Variants in VAV1 observed in about 807,000 individuals in gnomAD.
VAV1 encodes the protein proto-oncogene vav.
In VAV1, 33 loss-of-function variants were observed where a neutral mutation model predicts 128.1. The observed-to-expected ratio is 0.26, with a 90% CI of 0.20 to 0.34. VAV1 has a LOEUF of 0.34. Among genes scored for constraint, VAV1 ranks in the 10% least tolerant of loss-of-function variants. VAV1 has a pLI of 1.00. For synonymous variants in VAV1, 394 were observed against 409.8 expected, an observed-to-expected ratio of 0.96 and a Z score of 0.47; for missense variants, 715 against 1,093.7, an observed-to-expected ratio of 0.65 and a Z score of 4.88.
In VAV1 at chr19:6,804,269, G is replaced by C. The variant is rs188026677; in HGVS notation, c.205-16433G>C. Among the ~76,000 whole-genome samples the C allele has an allele frequency of 2.0e-5, 3 of 151,640 alleles. No individual in the cohort carries two copies. The East Asian group carries it at 5.9e-4, about 30-fold the overall frequency. ...CACCCAAGAAGCCTCACAGGCTAAG[G>C]AAAGAATTCAAGGGTGATTCCAGTG... On this transcript the variant is annotated intron_variant, in intron 1 of 26. Coordinates refer to ENST00000602142, the MANE Select transcript of VAV1 (RefSeq NM_005428.4).
At chr19:6,808,764 A>C (rs530676223) in intron 1 of VAV1, among the ~76,000 whole-genome samples, 1 of 152,306 alleles carries the variant, frequency 6.6e-6, no homozygotes, top group South Asian at 2.1e-4. Context: ...TTGTTATTCC[A>C]ATTAATTTAG....
chr19:6,808,243 C>T (rs551524169), intron 1 of VAV1, among the ~76,000 whole-genome samples: 17 of 151,794 alleles, frequency 1.1e-4, no homozygotes, highest in South Asian at 4.2e-4. Flanking sequence ...ACCCAGGAGG[C>T]GGAGTTTGCA....
At chr19:6,845,152 G>A (rs138722966) in intron 22 of VAV1, among the ~76,000 whole-genome samples, 112 of 152,216 alleles carry the variant, frequency 7.4e-4, no homozygotes, top group African/African-American at 2.6e-3. Context: ...AGGCCGAGGC[G>A]GGTCGATCAC....
intron 21 of VAV1, among the ~76,000 whole-genome samples, chr19:6,839,302 T>C (rs2660481): frequency 0.55 from 83,738 of 151,762 alleles, 28,350 homozygotes; most frequent in East Asian, 0.74. Context: ...AATCCTCTCA[T>C]AGAACATCCT....
chr19:6,793,393 G>A (rs1319878811), intron 1 of VAV1, among the ~76,000 whole-genome samples: 1 of 151,970 alleles, frequency 6.6e-6, no homozygotes, highest in African/African-American at 2.4e-5. Flanking sequence ...AAAAGCAGAG[G>A]GAGCCAAGAC....
At chr19:6,844,036 A>ATAC (rs1193132735) in intron 22 of VAV1, among the ~76,000 whole-genome samples, 1 of 81,792 alleles carries the variant, frequency 1.2e-5, no homozygotes, top group Non-Finnish European at 2.4e-5. Flanking sequence ...CTCTGCCCCC[A>ATAC]TACTTTCTTC....
intron 24 of VAV1, among the ~76,000 whole-genome samples, chr19:6,851,723 C>T (rs1972678094): frequency 6.6e-6 from 1 of 152,108 alleles, no homozygotes; most frequent in Non-Finnish European, 1.5e-5. Context: ...ACACTTTAGG[C>T]CTAATGATCT....
At chr19:6,821,274 G>T (rs896210367) in intron 2 of VAV1, among the ~76,000 whole-genome samples, 1 of 151,966 alleles carries the variant, frequency 6.6e-6, no homozygotes, top group Non-Finnish European at 1.5e-5. Flanking sequence ...GGTGGCCGGC[G>T]CCTGTAGTCC....
Position 6,833,784 on chromosome 19 carries a change from C to G in VAV1, c.1731+51C>G, listed in dbSNP as rs146135758. On this transcript the variant is annotated intron_variant, in intron 18 of 26. Coordinates refer to ENST00000602142, the MANE Select transcript of VAV1 (RefSeq NM_005428.4). ...GTGTACCACAAATAATGGGCAACAG[C>G]GCGGGGAGGACCCAGGACATCCTGG... is the stretch of plus-strand genomic sequence containing the variant. 3.9e-4 allele frequency: 627 copies of G among 1,613,610 alleles called. 2 individuals are homozygous for G. In the African/African-American group the frequency reaches 7.1e-3, roughly 18 times the overall value.
intron 1 of VAV1, among the ~76,000 whole-genome samples, chr19:6,808,536 T>C (rs12710098): frequency 2.6e-5 from 4 of 151,996 alleles, no homozygotes; most frequent in Non-Finnish European, 5.9e-5. Context: ...CTTTCTACAA[T>C]GTCAAAGACC....
At chr19:6,778,874 C>T (rs1970700216) in intron 1 of VAV1, among the ~76,000 whole-genome samples, 2 of 142,382 alleles carry the variant, frequency 1.4e-5, no homozygotes, top group Admixed American at 1.4e-4. Flanking sequence ...CCCGTCTCTA[C>T]TTTTTTTTTT....
intron 22 of VAV1, among the ~76,000 whole-genome samples, chr19:6,846,755 G>T (rs140567307): frequency 0.019 from 2,709 of 145,838 alleles, 36 homozygotes; most frequent in Non-Finnish European, 0.027. Context: ...ATATTATAGG[G>T]TTATATATAA....
At chr19:6,819,420 C>A (rs976848210) in intron 1 of VAV1, among the ~76,000 whole-genome samples, 1 of 152,208 alleles carries the variant, frequency 6.6e-6, no homozygotes, top group Non-Finnish European at 1.5e-5. Context: ...GACTTCTAGT[C>A]TCAGAACTAT....
intron 6 of VAV1, among the ~76,000 whole-genome samples, chr19:6,823,544 G>A (rs1183256990): frequency 6.6e-6 from 1 of 151,626 alleles, no homozygotes; most frequent in Non-Finnish European, 1.5e-5. Context: ...TGTTAACCAG[G>A]CTGGTCTTAA....
rs562813737 is a variant in VAV1, at chr19:6,852,362, G to T, written c.2218-603G>T. On this transcript the variant is annotated intron_variant, in intron 24 of 26. Transcript: ENST00000602142. ...ATTAAGGCATGTGGCCCCATAGAAG[G>T]TTTTGAATTTGGTGAGCTAATTATC... Among the ~76,000 whole-genome samples, 27 of 152,212 alleles carry T rather than the reference G, an allele frequency of 1.8e-4. No homozygotes were observed. The South Asian group carries it at 5.2e-3, about 29-fold the overall frequency.
intron 3 of VAV1, 52 bp from the exon 4 acceptor site, chr19:6,821,739 C>T (rs1971790320): frequency 6.2e-7 from 1 of 1,613,696 alleles, no homozygotes; most frequent in Non-Finnish European, 8.5e-7. Context: ...CCCTGAAGCC[C>T]CACTTCTACC....
At chr19:6,831,323 C>CT (rs1568308799) in intron 14 of VAV1, among the ~76,000 whole-genome samples, 1 of 151,912 alleles carries the variant, frequency 6.6e-6, no homozygotes, top group South Asian at 2.1e-4. Flanking sequence ...TTCTCTATTT[C>CT]TTTTTTTGAG....
At chr19:6,784,570 G>A (rs977512240) in intron 1 of VAV1, among the ~76,000 whole-genome samples, 3 of 149,598 alleles carry the variant, frequency 2.0e-5, no homozygotes, top group Non-Finnish European at 3.0e-5. Context: ...CTTGGCTCAC[G>A]GCAGCCTCCG....
chr19:6,797,499 T>C (rs917622885), intron 1 of VAV1, among the ~76,000 whole-genome samples: 3 of 151,916 alleles, frequency 2.0e-5, no homozygotes, highest in African/African-American at 7.3e-5. Context: ...GGTTGGGAGT[T>C]CGAGACTCAG....
Sources: allele counts gnomAD v4.1 joint callset (sites outside exome capture counted in the v4.1 genomes callset), GRCh38; gene constraint gnomAD v4.1.1; transcripts MANE v1.5; gene names NCBI Gene and HGNC (gene_info 2026-07-23, HGNC 2026-07-21).